NAB1: variants seen among roughly 807,000 people sequenced by gnomAD.
NAB1 encodes NGFI-A-binding protein 1.
NAB1 carries 25 observed loss-of-function variants against 49.9 expected under a neutral mutation model. The observed-to-expected ratio is 0.50, with a 90% CI of 0.37 to 0.70. NAB1 has a LOEUF of 0.70. NAB1 is among the 30% of genes least tolerant of loss of function. The probability of loss-of-function intolerance (pLI) is 0.00; values close to 1 mark genes in which losing one functional copy is unlikely to be tolerated. For missense variants in NAB1, 489 were observed against 575.9 expected, an observed-to-expected ratio of 0.85 and a Z score of 1.54; for synonymous variants, 198 against 215.6, an observed-to-expected ratio of 0.92 and a Z score of 0.71.
At position 190,657,930 on chromosome 2, in the gene NAB1, G is replaced by A. The variant is rs950407741; in HGVS notation, c.-19-1228G>A. On this transcript the variant is annotated intron_variant, in intron 3 of 9. Coordinates refer to ENST00000337386, the MANE Select transcript of NAB1 (RefSeq NM_005966.4). This position sits in a 1 kb window ranked among gnomAD's most constrained non-coding sequence, Gnocchi z 4.4. ...AGCCTTCTGTTATTTTCTCCATAGAGGGCTACAGGGTACTTTTAATCCTAA... is the reference window on the plus strand; with the variant it reads ...AGCCTTCTGTTATTTTCTCCATAGAAGGCTACAGGGTACTTTTAATCCTAA... Among the ~76,000 whole-genome samples, 6 of 152,156 alleles carry A rather than the reference G, an allele frequency of 3.9e-5. No individual in the cohort carries two copies. The East Asian group carries it at 1.2e-3, about 29-fold the overall frequency.
At chr2:190,660,582 A>G (rs1694171254) in intron 4 of NAB1, among the ~76,000 whole-genome samples, 1 of 152,204 alleles carries the variant, frequency 6.6e-6, no homozygotes, top group South Asian at 2.1e-4. Flanking sequence ...CATTTTGTCC[A>G]TATAACATTA....
intron 6 of NAB1, among the ~76,000 whole-genome samples, chr2:190,673,611 C>T (rs765201509): frequency 3.4e-4 from 51 of 152,188 alleles, no homozygotes; most frequent in Non-Finnish European, 1.3e-4. Flanking sequence ...TTAAACCATT[C>T]CTTTCATAGT....
At chr2:190,665,245 C>T (rs1029618528) in intron 4 of NAB1, among the ~76,000 whole-genome samples, 2 of 151,692 alleles carry the variant, frequency 1.3e-5, no homozygotes, top group African/African-American at 4.9e-5. Flanking sequence ...ATGGCGTGAA[C>T]CTGGGAGGCG....
In NAB1 at chr2:190,683,765, G is replaced by A; in HGVS notation, c.1033G>A (p.Val345Met). The A allele has an allele frequency of 1.2e-6, 2 of 1,613,714 alleles. No homozygotes were observed. Among genetic ancestry groups the A allele is most frequent in the Admixed American group, 1.7e-5 (1 of 59,958 alleles). Residue 345 changes from valine to methionine, a missense_variant, in exon 7 of 10, where the codon GTG becomes ATG. By Grantham distance (21) the Val-to-Met change is conservative. Transcript: ENST00000337386. ...TGGGTTTCCAGATTTCCAGGATTCT[G>A]TGCAAACACTCTTCCAGCAGGCTAG... ...EDGFPDFQDS[V>M]QTLFQQARAK...
rs1695378777 is a variant in NAB1 at position 190,682,126 on chromosome 2, A to G, written c.1006-1612A>G. The stretch of plus-strand genomic sequence containing the variant: ...CCTTGAAAAAAGTAGGTGGAATACC[A>G]AGTATAAAATGGAAGTAATTTAAGT... On this transcript the variant is annotated intron_variant, in intron 6 of 9. Coordinates refer to ENST00000337386, the MANE Select transcript of NAB1 (RefSeq NM_005966.4). This position sits in a 1 kb window ranked among gnomAD's most constrained non-coding sequence, Gnocchi z 4.1. 6.6e-6 allele frequency among the ~76,000 whole-genome samples: 1 copy of G among 152,242 alleles called. No individual in the cohort carries two copies. The highest frequency in any genetic ancestry group is 2.1e-4 in the South Asian group (1 of 4,836).
At chr2:190,687,395 C>CAAAAAA (rs60742412) in intron 9 of NAB1, 78 bp downstream of exon 9, 12 of 162,084 alleles carry the variant, frequency 7.4e-5, no homozygotes, top group South Asian at 3.1e-4. Flanking sequence ...CCTCCCCCAT[C>CAAAAAA]AAAAAAAAAA....
rs1442368359 is a variant in NAB1, at chr2:190,683,371, C to T, written c.1006-367C>T. Among the ~76,000 whole-genome samples the T allele has an allele frequency of 3.5e-5, 5 of 140,916 alleles. No homozygotes were observed. The East Asian group carries it at 8.8e-4, about 25-fold the overall frequency. 92.4% of individuals were successfully genotyped at this position (140,916 alleles called of 152,430 possible). On this transcript the variant is annotated intron_variant, in intron 6 of 9. Transcript: ENST00000337386. ...ATATTGGACAGGCTGGTCTCGAACTCCTGACCTCAGGTGATCTGCCCACCT... is the reference window on the plus strand; with the variant it reads ...ATATTGGACAGGCTGGTCTCGAACTTCTGACCTCAGGTGATCTGCCCACCT...
intron 5 of NAB1, among the ~76,000 whole-genome samples, chr2:190,671,382 T>G (rs1694796130): frequency 6.6e-6 from 1 of 152,212 alleles, no homozygotes; most frequent in Non-Finnish European, 1.5e-5. Flanking sequence ...CAGTTTCATT[T>G]TCTGCCCTAC....
intron 4 of NAB1, among the ~76,000 whole-genome samples, chr2:190,664,714 G>T (rs952050718): frequency 2.0e-5 from 3 of 146,594 alleles, no homozygotes; most frequent in African/African-American, 7.5e-5. Flanking sequence ...TTACAGACGT[G>T]AGCCACCACA....
chr2:190,690,283 T>C lies in NAB1; in HGVS notation c.1414T>C (p.Phe472Leu). The change falls in exon 10 of 10, where the codon TTT becomes CTT. Residue 472 changes from phenylalanine to leucine, a missense_variant. By Grantham distance (22) the Phe-to-Leu change is conservative (BLOSUM62 0). This residue lies in a region of NAB1 where 212 missense variants were observed against 199.3 expected (regional missense o/e 1.06). Transcript: ENST00000337386. Reference sequence around the variant, plus strand: ...TTTAAAAGACTACCCTCATTCAGCTTTTACCTTAGAAAAGAAAGTCATCAA... The same window carrying C: ...TTTAAAAGACTACCCTCATTCAGCTCTTACCTTAGAAAAGAAAGTCATCAA... ...GILKDYPHSA[F>L]TLEKKVIKTE... The C allele has an allele frequency of 6.2e-7, 1 of 1,613,026 alleles. No individual in the cohort carries two copies. The highest frequency in any genetic ancestry group is 8.5e-7 in the Non-Finnish European group (1 of 1,179,316).
Position 190,689,685 on chromosome 2 carries a change from C to G in NAB1, c.1376-560C>G, listed in dbSNP as rs957690116. On this transcript the variant is annotated intron_variant, in intron 9 of 9. Coordinates refer to ENST00000337386, the MANE Select transcript of NAB1 (RefSeq NM_005966.4). The surrounding 1 kb of genome is among the most constrained non-coding windows in gnomAD (Gnocchi z 4.3). Reference sequence around the variant, plus strand: ...ATGAAAATAGTGTTCATTATTTTATCCCTATTTCCCCTACCTTAATATGTC... The same window carrying G: ...ATGAAAATAGTGTTCATTATTTTATGCCTATTTCCCCTACCTTAATATGTC... 6.6e-6 allele frequency among the ~76,000 whole-genome samples: 1 copy of G among 152,030 alleles called. No individual in the cohort carries two copies. The highest frequency in any genetic ancestry group is 2.4e-5 in the African/African-American group (1 of 41,398).
chr2:190,652,846 T>G lies in NAB1; in HGVS notation c.-197+2864T>G, dbSNP rs1693736681. ...GTAGCTGAACTATATTTAATCATTT[T>G]AGCTTGAGTTCTGGGTCTAGGATGA... On this transcript the variant is annotated intron_variant, in intron 2 of 9. Transcript: ENST00000337386. The surrounding 1 kb of genome is among the most constrained non-coding windows in gnomAD (Gnocchi z 4.2). Among the ~76,000 whole-genome samples, 1 of 152,252 alleles carries G rather than the reference T, an allele frequency of 6.6e-6. No homozygotes were observed. The highest frequency in any genetic ancestry group is 6.5e-5 in the Admixed American group (1 of 15,292).
At chr2:190,690,202 A>G in intron 9 of NAB1, 43 bp from the exon 10 acceptor site, 5 of 1,335,384 alleles carry the variant, frequency 3.7e-6, no homozygotes, top group Non-Finnish European at 3.2e-6. Flanking sequence ...TTTGTAGTCC[A>G]TTGATTAAAA....
Position 190,692,201 on chromosome 2 carries a change from T to C in NAB1, c.*1868T>C, listed in dbSNP as rs1223938088. 4 of 152,662 alleles carry C rather than the reference T, an allele frequency of 2.6e-5. No individual in the cohort carries two copies. Among genetic ancestry groups the C allele is most frequent in the Non-Finnish European group, 5.9e-5 (4 of 68,032 alleles). 9.5% of individuals were successfully genotyped at this position (152,662 alleles called of 1,614,324 possible). A position where few individuals can be genotyped will look rare whatever the true frequency, so the allele number is the denominator to read the frequency against. ...TATCTCAGTAGTTTCATGAAACGTTTCCTGTATTCTAATCTATTTTGAAAC... is the reference window on the plus strand; with the variant it reads ...TATCTCAGTAGTTTCATGAAACGTTCCCTGTATTCTAATCTATTTTGAAAC... On this transcript the variant is annotated 3_prime_UTR_variant, in exon 10 of 10. Coordinates refer to ENST00000337386, the MANE Select transcript of NAB1 (RefSeq NM_005966.4). The surrounding 1 kb of genome is among the most constrained non-coding windows in gnomAD (Gnocchi z 5.2).
Position 190,692,061 on chromosome 2 carries a change from T to C in NAB1, c.*1728T>C, listed in dbSNP as rs1426756516. ...GCTTCTTATGGACCTTGCAACTTTG[T>C]TGCTAGCTTGAGGTTGATTATTGTG... On this transcript the variant is annotated 3_prime_UTR_variant, in exon 10 of 10. Coordinates refer to ENST00000337386, the MANE Select transcript of NAB1 (RefSeq NM_005966.4). This position sits in a 1 kb window ranked among gnomAD's most constrained non-coding sequence, Gnocchi z 5.2. The C allele has an allele frequency of 1.3e-5, 2 of 152,642 alleles. No homozygotes were observed. Among genetic ancestry groups the C allele is most frequent in the African/African-American group, 2.4e-5 (1 of 41,468 alleles). The allele number at this position is 152,642 out of a possible 1,614,324, so 9.5% of individuals were successfully genotyped here.
chr2:190,682,201 T>C lies in NAB1; in HGVS notation c.1006-1537T>C, dbSNP rs1290950014. On this transcript the variant is annotated intron_variant, in intron 6 of 9. Transcript: ENST00000337386. This position sits in a 1 kb window ranked among gnomAD's most constrained non-coding sequence, Gnocchi z 4.1. ...ATAGGCCCTATTTATTATGGGAATT[T>C]AGTATGTATTGATATACTTACTTAT... is the stretch of plus-strand genomic sequence containing the variant. Among the ~76,000 whole-genome samples the C allele has an allele frequency of 6.6e-6, 1 of 152,254 alleles. No individual in the cohort carries two copies. Among genetic ancestry groups the C allele is most frequent in the Non-Finnish European group, 1.5e-5 (1 of 68,042 alleles).
rs1323042098 is a variant in NAB1, at chr2:190,679,619, C to T, written c.1006-4119C>T. Among the ~76,000 whole-genome samples the T allele has an allele frequency of 6.6e-6, 1 of 152,152 alleles. No homozygotes were observed. Among genetic ancestry groups the T allele is most frequent in the Non-Finnish European group, 1.5e-5 (1 of 68,024 alleles). ...ACTTATTTGCGTTACTTTATTTAATCCCCACAAACTTCCAGTGGGCAGATA... is the reference window on the plus strand; with the variant it reads ...ACTTATTTGCGTTACTTTATTTAATTCCCACAAACTTCCAGTGGGCAGATA... On this transcript the variant is annotated intron_variant, in intron 6 of 9. Transcript: ENST00000337386. The surrounding 1 kb of genome is among the most constrained non-coding windows in gnomAD (Gnocchi z 5.3).
chr2:190,672,855 G>C (rs1310130495), intron 5 of NAB1, among the ~76,000 whole-genome samples: 1 of 152,048 alleles, frequency 6.6e-6, no homozygotes, highest in South Asian at 2.1e-4. Flanking sequence ...AAAGCCAGAG[G>C]TGGTGAGTTC....
At chr2:190,668,406 G>C (rs1210140307) in intron 4 of NAB1, among the ~76,000 whole-genome samples, 2 of 152,036 alleles carry the variant, frequency 1.3e-5, no homozygotes, top group African/African-American at 4.8e-5. Context: ...TTCTACAATG[G>C]AATATTGTAT....
Sources: allele counts gnomAD v4.1 joint callset (sites outside exome capture counted in the v4.1 genomes callset), GRCh38; gene constraint gnomAD v4.1.1; regional missense constraint gnomAD v4.1.1; non-coding constraint Gnocchi (gnomAD v3.1); transcripts MANE v1.5; gene names NCBI Gene and HGNC (gene_info 2026-07-23, HGNC 2026-07-21).